PEX14: variants seen among roughly 807,000 people sequenced by gnomAD.
PEX14 encodes peroxisomal biogenesis factor 14.
In PEX14, 15 loss-of-function variants were observed where a neutral mutation model predicts 49.5. That is an observed-to-expected ratio of 0.30 (90% CI 0.20 to 0.47). PEX14 has a LOEUF of 0.47. PEX14 is among the 20% of genes least tolerant of loss of function. PEX14 has a pLI of 1.00. For missense variants in PEX14, 398 were observed against 494.8 expected, an observed-to-expected ratio of 0.80 and a Z score of 1.86; for synonymous variants, 210 against 212.7, an observed-to-expected ratio of 0.99 and a Z score of 0.11.
intron 2 of PEX14, among the ~76,000 whole-genome samples, chr1:10,522,393 G>A (rs1382676076): frequency 6.6e-6 from 1 of 152,206 alleles, no homozygotes; most frequent in East Asian, 1.9e-4. Context: ...GTTTAAAGAG[G>A]CACTCCTGAA....
chr1:10,488,293 A>G (rs1641407305), intron 1 of PEX14, among the ~76,000 whole-genome samples: 1 of 151,982 alleles, frequency 6.6e-6, no homozygotes, highest in Non-Finnish European at 1.5e-5. Flanking sequence ...AGTAGCTGGG[A>G]TTACAGGTGC....
intron 2 of PEX14, among the ~76,000 whole-genome samples, chr1:10,528,829 C>T (rs747467739): frequency 6.6e-6 from 1 of 152,206 alleles, no homozygotes; most frequent in Non-Finnish European, 1.5e-5. Context: ...CTTTTATTTC[C>T]GTTCCTGGCA....
chr1:10,493,497 G>C (rs1029185505), intron 1 of PEX14, among the ~76,000 whole-genome samples: 2 of 152,076 alleles, frequency 1.3e-5, no homozygotes, highest in African/African-American at 2.4e-5. Context: ...GTGTGATCAT[G>C]GTGTACTGCA....
rs1287461904 is a variant in PEX14 at position 10,539,580 on chromosome 1, A to C, written c.169+3283A>C. Among the ~76,000 whole-genome samples, 1 of 74,364 alleles carries C rather than the reference A, an allele frequency of 1.3e-5. No individual in the cohort carries two copies. The highest frequency in any genetic ancestry group is 2.9e-5 in the African/African-American group (1 of 34,304). 48.8% of individuals were successfully genotyped at this position (74,364 alleles called of 152,430 possible). On this transcript the variant is annotated intron_variant, in intron 3 of 8. Transcript: ENST00000356607. This position sits in a 1 kb window ranked among gnomAD's most constrained non-coding sequence, Gnocchi z 4.6. ...ATAATTGGACTGTGTGTGGGGTTTA[A>C]GCCCTCATAGAACCAGTCTATATAT...
At chr1:10,603,107 T>C (rs1427529885) in intron 4 of PEX14, among the ~76,000 whole-genome samples, 1 of 152,198 alleles carries the variant, frequency 6.6e-6, no homozygotes, top group Non-Finnish European at 1.5e-5. Context: ...GGCATCTCTG[T>C]TCTTTGGTGA....
chr1:10,569,905 T>C (rs1639920455), intron 3 of PEX14, among the ~76,000 whole-genome samples: 1 of 152,214 alleles, frequency 6.6e-6, no homozygotes, highest in South Asian at 2.1e-4. Context: ...ATTCTGAAAT[T>C]TCACAGTGAT....
intron 3 of PEX14, among the ~76,000 whole-genome samples, chr1:10,553,761 G>A (rs1346959105): frequency 6.6e-6 from 1 of 152,078 alleles, no homozygotes; most frequent in Non-Finnish European, 1.5e-5. Flanking sequence ...TTTGTCATCT[G>A]TTTCCTCATC....
At chr1:10,516,205 G>A (rs2506882) in intron 2 of PEX14, among the ~76,000 whole-genome samples, 3 of 152,196 alleles carry the variant, frequency 2.0e-5, no homozygotes, top group African/African-American at 7.2e-5. Flanking sequence ...TGTGTCTTAA[G>A]TTTTCATTTA....
intron 1 of PEX14, among the ~76,000 whole-genome samples, chr1:10,490,530 C>T (rs1641453085): frequency 1.3e-5 from 2 of 152,144 alleles, no homozygotes; most frequent in Admixed American, 1.3e-4. Flanking sequence ...AAGCATTTCT[C>T]TCTCTGCCGC....
chr1:10,571,037 T>G (rs1252645143), intron 3 of PEX14, among the ~76,000 whole-genome samples: 9 of 82,286 alleles, frequency 1.1e-4, no homozygotes, highest in African/African-American at 3.0e-4. Context: ...TTTTTTTTTT[T>G]GTAGAGACGG....
chr1:10,565,315 G>T (rs1221416822), intron 3 of PEX14, among the ~76,000 whole-genome samples: 6 of 152,188 alleles, frequency 3.9e-5, no homozygotes, highest in African/African-American at 1.4e-4. Context: ...TGGGACTTAT[G>T]ACCTTGATCA....
chr1:10,516,227 G>A lies in PEX14; in HGVS notation c.85-19986G>A, dbSNP rs556716044. Among the ~76,000 whole-genome samples the A allele has an allele frequency of 3.3e-5, 5 of 152,330 alleles. No homozygotes were observed. The South Asian group carries it at 1.0e-3, about 32-fold the overall frequency. The stretch of plus-strand genomic sequence containing the variant: ...TAAGTTTTCATTTATTAATGCTAAT[G>A]CTGTTCTCTGGTTGTTCCCTAGCCC... On this transcript the variant is annotated intron_variant, in intron 2 of 8. Transcript: ENST00000356607.
intron 3 of PEX14, among the ~76,000 whole-genome samples, chr1:10,556,426 A>C (rs1266668536): frequency 6.6e-6 from 1 of 151,872 alleles, no homozygotes; most frequent in Non-Finnish European, 1.5e-5. Context: ...TTTTCCTCTC[A>C]CGCACTTTGT....
intron 3 of PEX14, among the ~76,000 whole-genome samples, chr1:10,538,996 C>CA (rs1459409743): frequency 3.3e-5 from 5 of 152,058 alleles, no homozygotes; most frequent in Non-Finnish European, 5.9e-5. Context: ...AAGGCAAATC[C>CA]AATTTTGTTT....
rs369625174 is a variant in PEX14, at chr1:10,624,429, G to A, written c.577G>A (p.Ala193Thr). ...KIQELAHELA[A>T]AKATTSTNWI... ...CCAGGAGCTTGCCCACGAGCTGGCC[G>A]CTGCCAAGGTACCTGTCTCTGCTGC... is the stretch of plus-strand genomic sequence containing the variant. The change falls in exon 7 of 9, where the codon GCT (alanine) becomes ACT (threonine). Residue 193 changes from alanine (A) to threonine (T), a missense_variant. Transcript: ENST00000356607. The A allele has an allele frequency of 4.9e-5, 78 of 1,606,638 alleles. No homozygotes were observed. The highest frequency in any genetic ancestry group is 6.0e-5 in the Non-Finnish European group (70 of 1,173,906).
At chr1:10,580,130 G>A (rs971518787) in intron 3 of PEX14, among the ~76,000 whole-genome samples, 3 of 152,104 alleles carry the variant, frequency 2.0e-5, no homozygotes, top group East Asian at 1.9e-4. Context: ...TAACAATAAT[G>A]TAGTGTTAGA....
intron 3 of PEX14, among the ~76,000 whole-genome samples, chr1:10,581,295 C>G (rs1198732292): frequency 7.1e-6 from 1 of 141,334 alleles, no homozygotes; most frequent in African/African-American, 2.7e-5. Flanking sequence ...AAACGAGGAT[C>G]TTTGTTATCC....
Position 10,628,876 on chromosome 1 carries a change from C to T in PEX14, c.678-655C>T, listed in dbSNP as rs1221910200. Among the ~76,000 whole-genome samples the T allele has an allele frequency of 1.3e-5, 2 of 152,174 alleles. No individual in the cohort carries two copies. Among genetic ancestry groups the T allele is most frequent in the East Asian group, 1.9e-4 (1 of 5,180 alleles). On this transcript the variant is annotated intron_variant, in intron 8 of 8. Coordinates refer to ENST00000356607, the MANE Select transcript of PEX14 (RefSeq NM_004565.3). This position sits in a 1 kb window ranked among gnomAD's most constrained non-coding sequence, Gnocchi z 4.5. ...AGCCGTTGCCAAGTGGACCTGACCT[C>T]CCAGGTCCCTCCTGGAATTGGCTTT... is the stretch of plus-strand genomic sequence containing the variant.
chr1:10,555,004 T>G (rs973513375), intron 3 of PEX14, among the ~76,000 whole-genome samples: 1 of 152,192 alleles, frequency 6.6e-6, no homozygotes, highest in African/African-American at 2.4e-5. Flanking sequence ...CTCAGTCTGC[T>G]TTTGTCCAGC....
Sources: allele counts gnomAD v4.1 joint callset (sites outside exome capture counted in the v4.1 genomes callset), GRCh38; gene constraint gnomAD v4.1.1; non-coding constraint Gnocchi (gnomAD v3.1); transcripts MANE v1.5; gene names NCBI Gene and HGNC (gene_info 2026-07-23, HGNC 2026-07-21).